LPP: variants seen among roughly 807,000 people sequenced by gnomAD.
LPP encodes the protein LIM domain containing preferred translocation partner in lipoma, also known as lipoma-preferred partner.
Under a neutral mutation model 60.4 loss-of-function variants are expected in LPP, and 38 were observed. The ratio of observed to expected loss-of-function variants is 0.63; its 90% CI spans 0.49 to 0.83. The LOEUF (loss-of-function observed/expected upper bound fraction) is 0.83. Among genes scored for constraint, LPP ranks in the 40% least tolerant of loss-of-function variants. The pLI, the probability that LPP is intolerant of heterozygous loss-of-function variation, is 0.00. For synonymous variants in LPP, 328 were observed against 290.8 expected (o/e 1.13, Z -1.30); for missense variants, 902 against 783.6 (o/e 1.15, Z -1.80).
intron 8 of LPP, among the ~76,000 whole-genome samples, chr3:188,721,449 G>A (rs996020707): frequency 6.6e-6 from 1 of 152,068 alleles, no homozygotes; most frequent in Non-Finnish European, 1.5e-5. Flanking sequence ...AGCTACTCAT[G>A]AGGCTGAGAT....
intron 4 of LPP, among the ~76,000 whole-genome samples, chr3:188,407,649 G>C (rs181812530): frequency 4.8e-4 from 73 of 152,236 alleles, no homozygotes; most frequent in African/African-American, 1.7e-3. Flanking sequence ...AGCACTTAGT[G>C]GAACTGGCTT....
chr3:188,873,600 C>G (rs1055953385), intron 11 of LPP, among the ~76,000 whole-genome samples: 1 of 149,322 alleles, frequency 6.7e-6, no homozygotes, highest in Admixed American at 6.7e-5. Flanking sequence ...TTTTTTTGAT[C>G]CATTATCTTC....
intron 5 of LPP, among the ~76,000 whole-genome samples, chr3:188,501,396 C>T (rs969246548): frequency 5.3e-5 from 8 of 152,158 alleles, no homozygotes; most frequent in African/African-American, 1.7e-4. Context: ...GGGAGGATCA[C>T]GAGGACAGGA....
At chr3:188,431,936 CAACCCCA>C in intron 4 of LPP, among the ~76,000 whole-genome samples, 1 of 152,168 alleles carries the variant, frequency 6.6e-6, no homozygotes, top group Admixed American at 6.5e-5. Context: ...ATTCCTCTGA[CAACCCCA>C]TGTCCTTTCA....
chr3:188,171,663 A>T (rs1034160093), intron 1 of LPP, among the ~76,000 whole-genome samples: 3 of 152,174 alleles, frequency 2.0e-5, no homozygotes, highest in African/African-American at 7.2e-5. Flanking sequence ...AGGATCCCAT[A>T]ATGGAGGTGA....
At chr3:188,524,850 G>C in intron 6 of LPP, 63 bp downstream of exon 6, 1 of 1,522,200 alleles carries the variant, frequency 6.6e-7, no homozygotes, top group Non-Finnish European at 8.9e-7. Context: ...TTATCAGAAA[G>C]AACATGCTGC....
chr3:188,366,330 C>T (rs773788364), intron 3 of LPP, among the ~76,000 whole-genome samples: 5 of 152,128 alleles, frequency 3.3e-5, no homozygotes, highest in Admixed American at 6.5e-5. Context: ...TTGTGAATAA[C>T]GCAGCAGTGA....
intron 2 of LPP, among the ~76,000 whole-genome samples, chr3:188,266,741 T>C (rs1359566294): frequency 6.6e-6 from 1 of 152,166 alleles, no homozygotes; most frequent in Non-Finnish European, 1.5e-5. Context: ...GATCGAGTTA[T>C]TGCCATGCGG....
chr3:188,391,150 C>T (rs1779599440), intron 3 of LPP, among the ~76,000 whole-genome samples: 1 of 152,162 alleles, frequency 6.6e-6, no homozygotes, highest in Non-Finnish European at 1.5e-5. Context: ...GAGAAAGGGA[C>T]TTTCATTCAT....
intron 5 of LPP, among the ~76,000 whole-genome samples, chr3:188,512,355 C>T (rs62289636): frequency 0.35 from 53,604 of 151,874 alleles, 11,540 homozygotes; most frequent in Middle Eastern, 0.62. Flanking sequence ...GTCAGGAGTT[C>T]GAGACCGGCC....
At chr3:188,750,138 C>T (rs940394287) in intron 8 of LPP, among the ~76,000 whole-genome samples, 4 of 152,144 alleles carry the variant, frequency 2.6e-5, no homozygotes, top group South Asian at 2.1e-4. Flanking sequence ...AGCAGAATGC[C>T]GCATGAAGCC....
chr3:188,381,310 C>T (rs1317157153), intron 3 of LPP, among the ~76,000 whole-genome samples: 1 of 152,024 alleles, frequency 6.6e-6, no homozygotes, highest in African/African-American at 2.4e-5. Flanking sequence ...TCCTTCTTAC[C>T]CCTTCTCTTC....
rs1346756162 is a variant in LPP at position 188,182,782 on chromosome 3, A to G, written c.-190+28530A>G. Among the ~76,000 whole-genome samples, 1 of 59,300 alleles carries G rather than the reference A, an allele frequency of 1.7e-5. No individual in the cohort carries two copies. Among genetic ancestry groups the G allele is most frequent in the Non-Finnish European group, 4.7e-5 (1 of 21,168 alleles). 38.9% of individuals were successfully genotyped at this position (59,300 alleles called of 152,430 possible). A position where few individuals can be genotyped will look rare whatever the true frequency, so the allele number is the denominator to read the frequency against. ...CATATATTATATATGTGCATATATAATATATGTACATATACAATATATGCA... is the reference window on the plus strand; with the variant it reads ...CATATATTATATATGTGCATATATAGTATATGTACATATACAATATATGCA... On this transcript the variant is annotated intron_variant, in intron 1 of 11. Coordinates refer to ENST00000617246, the MANE Select transcript of LPP (RefSeq NM_001375462.1). This position sits in a 1 kb window ranked among gnomAD's most constrained non-coding sequence, Gnocchi z 4.4.
At chr3:188,664,104 A>G (rs1855226831) in intron 7 of LPP, among the ~76,000 whole-genome samples, 1 of 152,228 alleles carries the variant, frequency 6.6e-6, no homozygotes, top group African/African-American at 2.4e-5. Flanking sequence ...TCATAATTGG[A>G]CAGAGCTGCA....
chr3:188,545,541 T>G (rs1387991794), intron 6 of LPP, among the ~76,000 whole-genome samples: 1 of 152,048 alleles, frequency 6.6e-6, no homozygotes, highest in Non-Finnish European at 1.5e-5. Context: ...ATAGCTTAAC[T>G]CTGTTCTGTG....
At chr3:188,167,501 CACAAAACAAAACAAA>C (rs59953137) in intron 1 of LPP, among the ~76,000 whole-genome samples, 2 of 143,510 alleles carry the variant, frequency 1.4e-5, no homozygotes, top group Non-Finnish European at 3.0e-5. Flanking sequence ...ACTCCACCAC[CACAAAACAAAACAAA>C]ACAAAACAAA....
intron 1 of LPP, among the ~76,000 whole-genome samples, chr3:188,202,661 T>C (rs1242057112): frequency 1.3e-5 from 2 of 152,232 alleles, no homozygotes; most frequent in African/African-American, 4.8e-5. Flanking sequence ...TTCCCTGTGC[T>C]GTCCTGTAGG....
chr3:188,404,844 C>T (rs926542728), intron 3 of LPP, among the ~76,000 whole-genome samples: 3 of 152,258 alleles, frequency 2.0e-5, no homozygotes, highest in African/African-American at 7.2e-5. Flanking sequence ...GCCTTCCGGG[C>T]GTCCCTGTGC....
At chr3:188,160,368 T>C (rs1420700011) in intron 1 of LPP, among the ~76,000 whole-genome samples, 1 of 152,064 alleles carries the variant, frequency 6.6e-6, no homozygotes, top group Non-Finnish European at 1.5e-5. Flanking sequence ...CTAATTTTTG[T>C]ATTTTTGTGG....
Sources: gnomAD v4.1 joint callset for allele counts (sites outside exome capture counted in the v4.1 genomes callset) on GRCh38, gnomAD v4.1.1 for gene constraint, Gnocchi (gnomAD v3.1) non-coding constraint, MANE v1.5 for transcripts, NCBI Gene and HGNC (gene_info 2026-07-23, HGNC 2026-07-21) for gene names.